GTSE1: variants seen among roughly 807,000 people sequenced by gnomAD.
GTSE1 encodes G2 and S phase-expressed protein 1.
GTSE1 carries 52 observed loss-of-function variants against 60.5 expected under a neutral mutation model. The ratio of observed to expected loss-of-function variants is 0.86; its 90% CI spans 0.69 to 1.08. The LOEUF (loss-of-function observed/expected upper bound fraction) is 1.08. Ranked by LOEUF, GTSE1 falls within the 50% of genes least tolerant of loss-of-function variation. The pLI, the probability that GTSE1 is intolerant of heterozygous loss-of-function variation, is 0.00. For missense variants in GTSE1, 937 were observed against 961.8 expected, an observed-to-expected ratio of 0.97 and a Z score of 0.34; for synonymous variants, 368 against 386.5, an observed-to-expected ratio of 0.95 and a Z score of 0.56.
In GTSE1 at chr22:46,313,889, G is replaced by T; in HGVS notation, c.928-1G>T. On this transcript the variant is annotated splice_acceptor_variant, in intron 5 of 11. Coordinates refer to ENST00000454366, the MANE Select transcript of GTSE1 (RefSeq NM_016426.7). LOFTEE classifies it high-confidence loss of function. This position sits in a 1 kb window ranked among gnomAD's most constrained non-coding sequence, Gnocchi z 4.4. ...TTCTGTTTTTTCACATTTTGCCCCA[G>T]TTGGGGCTGAAGAAGACCCTGTTAA... 6.2e-6 allele frequency: 10 copies of T among 1,614,088 alleles called. No individual in the cohort carries two copies. The highest frequency in any genetic ancestry group is 7.6e-6 in the Non-Finnish European group (9 of 1,179,926).
In GTSE1 at chr22:46,308,530, C is replaced by A. The variant is rs556488388; in HGVS notation, c.349C>A (p.Arg117=). The A allele has an allele frequency of 1.9e-6, 3 of 1,614,020 alleles. No individual in the cohort carries two copies. The highest frequency in any genetic ancestry group is 2.5e-6 in the Non-Finnish European group (3 of 1,180,030). ...GGCTTTACACATTGAGAGCAGCAGC[C>A]GGAACCAGGCAGCCCAAGCTGCCAA... ...LLALHIESSS[R]NQAAQAAKPE... Residue 117 remains arginine (R), a synonymous_variant, in exon 4 of 12, where the codon CGG becomes AGG. Transcript: ENST00000454366.
chr22:46,324,083 T>C lies in GTSE1; in HGVS notation c.1505+821T>C, dbSNP rs569287474. On this transcript the variant is annotated intron_variant, in intron 8 of 11. Transcript: ENST00000454366. This position sits in a 1 kb window ranked among gnomAD's most constrained non-coding sequence, Gnocchi z 5.2. The stretch of plus-strand genomic sequence containing the variant: ...TGCTGACCTTTTTCCTCACGTCAAG[T>C]AGGGATGGCCCAAGCTCAGCTGGGG... Among the ~76,000 whole-genome samples, 20 of 152,306 alleles carry C rather than the reference T, an allele frequency of 1.3e-4. No homozygotes were observed. Among genetic ancestry groups the C allele is most frequent in the Middle Eastern group, 3.4e-3 (1 of 294 alleles).
chr22:46,326,348 C>T, intron 8 of GTSE1, 88 bp from the exon 9 acceptor site: 1 of 1,127,284 alleles, frequency 8.9e-7, no homozygotes, highest in African/African-American at 1.5e-5. Context: ...AACCAAAGCC[C>T]TCAGCACTGC....
chr22:46,307,043 G>A (rs994889489), intron 2 of GTSE1, among the ~76,000 whole-genome samples: 1 of 152,200 alleles, frequency 6.6e-6, no homozygotes, highest in Non-Finnish European at 1.5e-5. Flanking sequence ...GGCACTGCGG[G>A]AGCCTTGCGG....
chr22:46,306,432 C>G (rs192042392), intron 2 of GTSE1, among the ~76,000 whole-genome samples: 2 of 151,562 alleles, frequency 1.3e-5, no homozygotes, highest in Admixed American at 6.6e-5. Flanking sequence ...CCGCCCGCCT[C>G]GGCCTCCCAA....
At chr22:46,306,424 G>A (rs1282181719) in intron 2 of GTSE1, among the ~76,000 whole-genome samples, 3 of 151,424 alleles carry the variant, frequency 2.0e-5, no homozygotes, top group South Asian at 2.1e-4. Context: ...CTCGTGATCC[G>A]CCCGCCTCGG....
At chr22:46,299,264 G>A (rs146739510) in intron 2 of GTSE1, among the ~76,000 whole-genome samples, 61 of 152,350 alleles carry the variant, frequency 4.0e-4, no homozygotes, top group Non-Finnish European at 7.5e-4. Flanking sequence ...CTCTGGGACC[G>A]CTTTGTGCTT....
chr22:46,297,495 T>C lies in GTSE1; in HGVS notation c.79+16T>C. 6.4e-7 allele frequency: 1 copy of C among 1,566,382 alleles called. No individual in the cohort carries two copies. The highest frequency in any genetic ancestry group is 8.8e-7 in the Non-Finnish European group (1 of 1,137,252). On this transcript the variant is annotated intron_variant, in intron 2 of 11. Coordinates refer to ENST00000454366, the MANE Select transcript of GTSE1 (RefSeq NM_016426.7). This position sits in a 1 kb window ranked among gnomAD's most constrained non-coding sequence, Gnocchi z 4.9. ...AAGAAGGAAGGCAAGTCCTTGCTGCTGCGGCGCTGTTGTTGTTCAGGATGT... is the reference window on the plus strand; with the variant it reads ...AAGAAGGAAGGCAAGTCCTTGCTGCCGCGGCGCTGTTGTTGTTCAGGATGT...
chr22:46,322,949 G>A (rs994275514), intron 7 of GTSE1, among the ~76,000 whole-genome samples: 6 of 152,202 alleles, frequency 3.9e-5, no homozygotes, highest in Non-Finnish European at 5.9e-5. Context: ...TTTCTCCCCC[G>A]TGTCCATCCA....
chr22:46,298,715 C>G (rs1172055386), intron 2 of GTSE1, among the ~76,000 whole-genome samples: 1 of 152,196 alleles, frequency 6.6e-6, no homozygotes, highest in African/African-American at 2.4e-5. Context: ...CCCCTCTCCT[C>G]CTTCCTGTCA....
intron 2 of GTSE1, among the ~76,000 whole-genome samples, chr22:46,301,904 G>A (rs1228640000): frequency 2.0e-5 from 3 of 152,146 alleles, no homozygotes; most frequent in Admixed American, 6.5e-5. Context: ...CAGGGTGGGC[G>A]GATCACCTGA....
intron 9 of GTSE1, chr22:46,326,956 A>G (rs1368568187): frequency 4.3e-6 from 1 of 231,568 alleles, no homozygotes; most frequent in African/African-American, 2.3e-5. Flanking sequence ...TAATCCCAGC[A>G]CTTTGGGAGG....
At position 46,330,291 on chromosome 22, in the gene GTSE1, G is replaced by A. The variant is rs1569050162; in HGVS notation, c.*161G>A. On this transcript the variant is annotated 3_prime_UTR_variant, in exon 12 of 12. Transcript: ENST00000454366. The surrounding 1 kb of genome is among the most constrained non-coding windows in gnomAD (Gnocchi z 6.0). ...AGCCCAGGAGTTCGGGACCAGCCTG[G>A]GAAATATAGTGAAACTCCTGTCCCT... 5 of 584,608 alleles carry A rather than the reference G, an allele frequency of 8.6e-6. No homozygotes were observed. The highest frequency in any genetic ancestry group is 1.2e-5 in the Non-Finnish European group (4 of 322,620). 36.2% of individuals were successfully genotyped at this position (584,608 alleles called of 1,614,324 possible).
At chr22:46,311,229 C>T (rs1380294645) in intron 4 of GTSE1, among the ~76,000 whole-genome samples, 3 of 152,102 alleles carry the variant, frequency 2.0e-5, no homozygotes, top group African/African-American at 7.2e-5. Flanking sequence ...AGGCGCCCGC[C>T]ACCACGCCCG....
Position 46,329,308 on chromosome 22 carries a change from G to A in GTSE1, c.1927-50G>A, listed in dbSNP as rs748439683. On this transcript the variant is annotated intron_variant, in intron 10 of 11. Coordinates refer to ENST00000454366, the MANE Select transcript of GTSE1 (RefSeq NM_016426.7). The surrounding 1 kb of genome is among the most constrained non-coding windows in gnomAD (Gnocchi z 6.4). ...GCAAAGCTCACATTCTCCCAAGATGGTTGCCAGAAAGATGCTGGACTCTGC... is the reference window on the plus strand; with the variant it reads ...GCAAAGCTCACATTCTCCCAAGATGATTGCCAGAAAGATGCTGGACTCTGC... The A allele has an allele frequency of 3.5e-5, 49 of 1,419,282 alleles. No individual in the cohort carries two copies. The highest frequency in any genetic ancestry group is 1.8e-4 in the Middle Eastern group (1 of 5,686). The allele number at this position is 1,419,282 out of a possible 1,614,324, so 87.9% of individuals were successfully genotyped here.
At chr22:46,299,201 CT>C (rs1382349055) in intron 2 of GTSE1, among the ~76,000 whole-genome samples, 1 of 152,242 alleles carries the variant, frequency 6.6e-6, no homozygotes, top group African/African-American at 2.4e-5. Context: ...TATCTTTTCT[CT>C]GTCGGGGGCT....
At position 46,313,906 on chromosome 22, in the gene GTSE1, C is replaced by T; in HGVS notation, c.944C>T (p.Thr315Ile). 1.2e-6 allele frequency: 2 copies of T among 1,614,130 alleles called. No individual in the cohort carries two copies. The highest frequency in any genetic ancestry group is 1.7e-6 in the Non-Finnish European group (2 of 1,179,982). The part of the protein sequence containing the change: ...PVPNKLGLKK[T>I]LLKAPGSTSN... ...TTGCCCCAGTTGGGGCTGAAGAAGA[C>T]CCTGTTAAAAGCACCCGGCTCTACC... is the stretch of plus-strand genomic sequence containing the variant. The change falls in exon 6 of 12, where the codon ACC becomes ATC. Residue 315 changes from threonine (T) to isoleucine (I), a missense_variant. Coordinates refer to ENST00000454366, the MANE Select transcript of GTSE1 (RefSeq NM_016426.7). The surrounding 1 kb of genome is among the most constrained non-coding windows in gnomAD (Gnocchi z 4.4).
rs1569041496 is a variant in GTSE1 at position 46,313,629 on chromosome 22, C to T, written c.928-261C>T. Among the ~76,000 whole-genome samples, 2 of 152,180 alleles carry T rather than the reference C, an allele frequency of 1.3e-5. No homozygotes were observed. The highest frequency in any genetic ancestry group is 6.5e-5 in the Admixed American group (1 of 15,270). The stretch of plus-strand genomic sequence containing the variant: ...GTTCAAGCAATTCTCCTACCTCAGC[C>T]TCCCGAGTAGCTGGGACTACAGGTG... On this transcript the variant is annotated intron_variant, in intron 5 of 11. Transcript: ENST00000454366. The surrounding 1 kb of genome is among the most constrained non-coding windows in gnomAD (Gnocchi z 4.4).
intron 10 of GTSE1, 74 bp downstream of exon 10, chr22:46,328,963 A>C (rs2147835528): frequency 8.1e-7 from 1 of 1,227,996 alleles, no homozygotes; most frequent in Non-Finnish European, 1.2e-6. Flanking sequence ...CGTGGAACCC[A>C]GGGCTGTGGC....
Sources: allele counts gnomAD v4.1 joint callset (sites outside exome capture counted in the v4.1 genomes callset), GRCh38; gene constraint gnomAD v4.1.1; non-coding constraint Gnocchi (gnomAD v3.1); transcripts MANE v1.5; gene names NCBI Gene and HGNC (gene_info 2026-07-23, HGNC 2026-07-21).